FAM53A: variants seen among roughly 807,000 people sequenced by gnomAD.
FAM53A encodes the protein protein FAM53A.
A neutral mutation model predicts 26.6 loss-of-function variants in FAM53A; 28 were observed. That is an observed-to-expected ratio of 1.05 (90% CI 0.78 to 1.45). FAM53A has a LOEUF of 1.45. Among genes scored for constraint, FAM53A ranks in the 40% most tolerant of loss-of-function variants. The probability of loss-of-function intolerance (pLI) is 0.00; values close to 1 mark genes in which losing one functional copy is unlikely to be tolerated. For synonymous variants in FAM53A, 290 were observed against 253.1 expected (o/e 1.15, Z -1.38); for missense variants, 650 against 575.8 (o/e 1.13, Z -1.32).
At chr4:1,592,507 TG>T in the FAM53A span, among the ~76,000 whole-genome samples, 1 of 139,550 alleles carries the variant, frequency 7.2e-6, no homozygotes, top group East Asian at 2.1e-4. Flanking sequence ...CGGTCCTTCC[TG>T]GGGGAAAACA....
intron 2 of FAM53A, among the ~76,000 whole-genome samples, chr4:1,664,909 C>CG (rs34781995): frequency 2.0e-5 from 3 of 152,194 alleles, no homozygotes; most frequent in African/African-American, 7.2e-5. Context: ...ACCCAGGAGG[C>CG]GGGGGTTACA....
the FAM53A span, among the ~76,000 whole-genome samples, chr4:1,609,270 C>T: frequency 6.6e-6 from 1 of 152,100 alleles, no homozygotes; most frequent in Non-Finnish European, 1.5e-5. Flanking sequence ...CACCCCCATC[C>T]CTCATCAGCC....
chr4:1,652,803 TCACA>T (rs1228030605), intron 4 of FAM53A, among the ~76,000 whole-genome samples: 1 of 87,786 alleles, frequency 1.1e-5, no homozygotes, highest in Admixed American at 1.2e-4. Flanking sequence ...ACCACACACG[TCACA>T]CACACACCAC....
At chr4:1,578,773 G>A in the FAM53A span, among the ~76,000 whole-genome samples, 2 of 129,324 alleles carry the variant, frequency 1.5e-5, no homozygotes, top group Non-Finnish European at 3.4e-5. Flanking sequence ...AGGGGCGGAG[G>A]AGGGGAGAGA....
intron 1 of FAM53A, among the ~76,000 whole-genome samples, chr4:1,673,791 C>T (rs1466024048): frequency 3.9e-5 from 6 of 152,368 alleles, no homozygotes; most frequent in Admixed American, 3.3e-4. Context: ...TGTCCAGCAG[C>T]GCCAATGCGG....
At chr4:1,672,671 G>A (rs1229758855) in intron 1 of FAM53A, among the ~76,000 whole-genome samples, 1 of 151,714 alleles carries the variant, frequency 6.6e-6, no homozygotes, top group East Asian at 1.9e-4. Flanking sequence ...AGGTTTGCCC[G>A]GAAGGCACCT....
downstream of FAM53A, among the ~76,000 whole-genome samples, chr4:1,636,451 A>T (rs988015370): frequency 6.6e-6 from 1 of 152,100 alleles, no homozygotes; most frequent in Non-Finnish European, 1.5e-5. Context: ...TTGCTTTGGG[A>T]AACAGCTAAC....
intron 4 of FAM53A, among the ~76,000 whole-genome samples, chr4:1,645,872 T>C (rs1016787933): frequency 1.3e-5 from 2 of 152,184 alleles, no homozygotes; most frequent in Non-Finnish European, 2.9e-5. Flanking sequence ...TTTGAACGTA[T>C]ACCTCCAAAT....
At chr4:1,580,571 G>A in the FAM53A span, among the ~76,000 whole-genome samples, 3 of 75,018 alleles carry the variant, frequency 4.0e-5, no homozygotes, top group Non-Finnish European at 7.7e-5. Flanking sequence ...TCCCGCCCTA[G>A]GCCCCGCCTC....
chr4:1,653,493 T>C (rs528525277), intron 4 of FAM53A, among the ~76,000 whole-genome samples: 4 of 152,170 alleles, frequency 2.6e-5, no homozygotes, highest in Non-Finnish European at 4.4e-5. Flanking sequence ...TCCCTCCTGG[T>C]CCCCGTGGGG....
chr4:1,605,610 G>A, the FAM53A span, among the ~76,000 whole-genome samples: 4 of 146,592 alleles, frequency 2.7e-5, no homozygotes, highest in Non-Finnish European at 6.1e-5. This position sits in a 1 kb window ranked among gnomAD's most constrained non-coding sequence, Gnocchi z 5.7. Flanking sequence ...GCGGGTCCAG[G>A]TGTGGACGCG....
At chr4:1,682,866 C>A (rs1306920835) in intron 1 of FAM53A, among the ~76,000 whole-genome samples, 2 of 152,214 alleles carry the variant, frequency 1.3e-5, no homozygotes, top group East Asian at 3.8e-4. Context: ...GTGGTCCCCA[C>A]GTGCAATCTA....
chr4:1,579,653 G>T, the FAM53A span, among the ~76,000 whole-genome samples: 1 of 152,324 alleles, frequency 6.6e-6, no homozygotes, highest in East Asian at 1.9e-4. Flanking sequence ...CCGCTGCGAG[G>T]CGTGAGTGAG....
chr4:1,655,033 C>T lies in FAM53A; in HGVS notation c.827G>A (p.Arg276His), dbSNP rs116661726. ...SGKRSRRKRR[R>H]EEDARWTRPS... ...GCGTGTCCACCTGGCGTCCTCCTCA[C>T]GCCTCCGTTTGCGCCGGCTCCTCTT... Residue 276 changes from arginine to histidine, a missense_variant, in exon 4 of 5, where the codon CGT becomes CAT. Transcript: ENST00000308132. 8.2e-4 allele frequency: 1,300 copies of T among 1,577,230 alleles called. 8 individuals carry two copies. In the African/African-American group the frequency reaches 0.015, roughly 19 times the overall value.
chr4:1,635,848 T>A (rs1715815376), downstream of FAM53A, among the ~76,000 whole-genome samples: 2 of 139,754 alleles, frequency 1.4e-5, no homozygotes, highest in South Asian at 4.9e-4. Context: ...TTTTTTTTTT[T>A]TTTTTTTTTT....
At chr4:1,596,689 G>A in the FAM53A span, among the ~76,000 whole-genome samples, 2 of 152,116 alleles carry the variant, frequency 1.3e-5, no homozygotes, top group African/African-American at 2.4e-5. Context: ...GGCCTCCACC[G>A]AGGCCGTGCC....
chr4:1,641,517 A>C lies in FAM53A; in HGVS notation c.973T>G (p.Cys325Gly). 6.2e-7 allele frequency: 1 copy of C among 1,614,206 alleles called. No individual in the cohort carries two copies. ...ATGCCAGGGAGGCCCCGGGAGTCAC[A>C]TGGGGAGGACAGAACCGTCTTCACT... The part of the protein sequence containing the change: ...TPVKTVLSSP[C>G]DSRGLPGITM... The change falls in exon 5 of 5, where the codon TGT (cysteine) becomes GGT (glycine). Residue 325 changes from cysteine (C) to glycine (G), a missense_variant. Coordinates refer to ENST00000308132, the MANE Select transcript of FAM53A (RefSeq NM_001174070.3).
At chr4:1,617,203 G>A (rs746286943), downstream of FAM53A, among the ~76,000 whole-genome samples, 9 of 144,186 alleles carry the variant, frequency 6.2e-5, no homozygotes, top group African/African-American at 8.9e-5. Context: ...AGGCCTGCAT[G>A]TTTTGTCTGC....
intron 1 of FAM53A, among the ~76,000 whole-genome samples, chr4:1,622,681 G>A (rs2033421392): frequency 6.6e-6 from 1 of 152,226 alleles, no homozygotes; most frequent in South Asian, 2.1e-4. Context: ...GGCTCGCTCG[G>A]GGAGGGAGGT....
Sources: allele counts gnomAD v4.1 joint callset (sites outside exome capture counted in the v4.1 genomes callset), GRCh38; gene constraint gnomAD v4.1.1; non-coding constraint Gnocchi (gnomAD v3.1); transcripts MANE v1.5; gene names NCBI Gene and HGNC (gene_info 2026-07-23, HGNC 2026-07-21).